WWTR1: variants seen among roughly 807,000 people sequenced by gnomAD.
WWTR1 encodes the protein WW domain containing transcription regulator 1.
WWTR1 carries 13 observed loss-of-function variants against 40.1 expected under a neutral mutation model. The ratio of observed to expected loss-of-function variants is 0.32; its 90% CI spans 0.21 to 0.52. The LOEUF (loss-of-function observed/expected upper bound fraction) is 0.52, where lower values mean the gene tolerates loss of function less well. Among genes scored for constraint, WWTR1 ranks in the 20% least tolerant of loss-of-function variants. The pLI is 0.97. For missense variants in WWTR1, 436 were observed against 523.1 expected (o/e 0.83, Z 1.63); for synonymous variants, 230 against 210.1 (o/e 1.09, Z -0.82).
At chr3:149,637,798 T>C (rs1711921985) in intron 2 of WWTR1, among the ~76,000 whole-genome samples, 2 of 152,132 alleles carry the variant, frequency 1.3e-5, no homozygotes, top group Admixed American at 1.3e-4. Flanking sequence ...AATAAGGCAT[T>C]AGACAGGAGA....
intron 4 of WWTR1, among the ~76,000 whole-genome samples, chr3:149,722,202 C>T (rs1715771600): frequency 6.6e-6 from 1 of 151,854 alleles, no homozygotes; most frequent in South Asian, 2.1e-4. Flanking sequence ...TATTATTCTT[C>T]TATTATTTTC....
At chr3:149,521,167 G>A (rs1203831030) in intron 6 of WWTR1, among the ~76,000 whole-genome samples, 178 bp from the exon 7 acceptor site, 1 of 152,176 alleles carries the variant, frequency 6.6e-6, no homozygotes, top group Non-Finnish European at 1.5e-5. Context: ...GATAGGTGTG[G>A]TCCAGAATGG....
intron 4 of WWTR1, among the ~76,000 whole-genome samples, chr3:149,721,627 G>GT (rs1253550391): frequency 3.9e-5 from 6 of 152,178 alleles, no homozygotes; most frequent in Admixed American, 1.3e-4. Context: ...AATAGACTGG[G>GT]TTAGGGTGTA....
At chr3:149,574,317 G>C (rs1737781560) in intron 2 of WWTR1, among the ~76,000 whole-genome samples, 1 of 152,134 alleles carries the variant, frequency 6.6e-6, no homozygotes. Flanking sequence ...TGGGATTACA[G>C]GCACAAGCCA....
intron 2 of WWTR1, among the ~76,000 whole-genome samples, chr3:149,588,182 G>A (rs567902426): frequency 1.3e-5 from 2 of 152,280 alleles, no homozygotes; most frequent in South Asian, 2.1e-4. Flanking sequence ...ATAGACATAC[G>A]TTTCTGCTTC....
chr3:149,707,892 T>C (rs1279454147), upstream of WWTR1, among the ~76,000 whole-genome samples: 1 of 149,168 alleles, frequency 6.7e-6, no homozygotes, highest in Non-Finnish European at 1.5e-5. Flanking sequence ...GCCAACAGTA[T>C]GGTATGGTCA....
At chr3:149,554,263 G>A (rs779927949) in intron 3 of WWTR1, among the ~76,000 whole-genome samples, 5 of 152,154 alleles carry the variant, frequency 3.3e-5, no homozygotes, top group Non-Finnish European at 7.3e-5. Flanking sequence ...CACTTTCCCA[G>A]CTTCACTGTT....
At chr3:149,585,223 C>T (rs1738365268) in intron 2 of WWTR1, among the ~76,000 whole-genome samples, 1 of 151,888 alleles carries the variant, frequency 6.6e-6, no homozygotes, top group South Asian at 2.1e-4. Context: ...ACCTTCACTT[C>T]CCAGGTTCAA....
chr3:149,525,757 C>CATACAACATTTT (rs1735273899), intron 6 of WWTR1: 1 of 263,044 alleles, frequency 3.8e-6, no homozygotes, highest in African/African-American at 2.2e-5. Context: ...ACACTCGGGA[C>CATACAACATTTT]TACTGGGAGT....
chr3:149,677,947 T>C lies in WWTR1; in HGVS notation c.-107-8056A>G, dbSNP rs578052001. ...CCAGCTAATTTTTGTATTTTTTTTT[T>C]TTTAGTGGAGACGGGGTTTCACCAT... On this transcript the variant is annotated intron_variant, in intron 1 of 7. Coordinates refer to the WWTR1 transcript ENST00000465804. Among the ~76,000 whole-genome samples, 43 of 151,954 alleles carry C rather than the reference T, an allele frequency of 2.8e-4. No homozygotes were observed. In the South Asian group the frequency reaches 5.4e-3, roughly 19 times the overall value.
chr3:149,618,945 G>A (rs961016934), intron 2 of WWTR1, among the ~76,000 whole-genome samples: 1 of 152,114 alleles, frequency 6.6e-6, no homozygotes, highest in African/African-American at 2.4e-5. Context: ...TGACGTCTGT[G>A]AGATACCCAG....
upstream of WWTR1, among the ~76,000 whole-genome samples, chr3:149,706,088 T>C (rs1715321142): frequency 6.6e-6 from 1 of 151,974 alleles, no homozygotes; most frequent in African/African-American, 2.4e-5. Context: ...CTACTCAGGA[T>C]AAGGGGCTGA....
intron 1 of WWTR1, among the ~76,000 whole-genome samples, chr3:149,673,058 A>G (rs1714148006): frequency 6.6e-6 from 1 of 152,190 alleles, no homozygotes; most frequent in Non-Finnish European, 1.5e-5. Context: ...CTTTGTGTTA[A>G]TAGGAGTAAA....
intron 2 of WWTR1, among the ~76,000 whole-genome samples, chr3:149,665,227 C>CCT (rs1713764858): frequency 7.8e-6 from 1 of 128,276 alleles, no homozygotes; most frequent in Non-Finnish European, 1.6e-5. Context: ...TCCTTTCTTT[C>CCT]TTTTTTTTTT....
intron 2 of WWTR1, among the ~76,000 whole-genome samples, chr3:149,604,747 G>A (rs1472150315): frequency 6.6e-6 from 1 of 152,216 alleles, no homozygotes; most frequent in Admixed American, 6.5e-5. Flanking sequence ...AGCGGTACTG[G>A]CCCTTCTTCA....
chr3:149,637,658 T>G (rs1319375929), intron 2 of WWTR1, among the ~76,000 whole-genome samples: 1 of 152,084 alleles, frequency 6.6e-6, no homozygotes, highest in Non-Finnish European at 1.5e-5. Flanking sequence ...AATAAACCCA[T>G]TCATTTACAA....
chr3:149,676,970 G>A (rs148316801), intron 1 of WWTR1, among the ~76,000 whole-genome samples: 1 of 151,012 alleles, frequency 6.6e-6, no homozygotes, highest in Non-Finnish European at 1.5e-5. Flanking sequence ...TCAGGCTGGA[G>A]CAATGGGGCG....
chr3:149,575,809 GTGCCAGCACAGCT>G (rs74347858), intron 2 of WWTR1, among the ~76,000 whole-genome samples: 9,727 of 152,198 alleles, frequency 0.064, 451 homozygotes, highest in Non-Finnish European at 0.1. Flanking sequence ...TGCCCCAGGA[GTGCCAGCACAGCT>G]TGCCAGCCTA....
chr3:149,543,580 C>CAAAAAA (rs755442408), intron 3 of WWTR1, among the ~76,000 whole-genome samples: 899 of 31,108 alleles, frequency 0.029, 145 homozygotes, highest in Admixed American at 0.041. Context: ...GACTCTGTCT[C>CAAAAAA]AAAAAAAAAA....
Sources: gnomAD v4.1 joint callset for allele counts (sites outside exome capture counted in the v4.1 genomes callset) on GRCh38, gnomAD v4.1.1 for gene constraint, MANE v1.5 for transcripts, NCBI Gene and HGNC (gene_info 2026-07-23, HGNC 2026-07-21) for gene names.